The following EYS variants were observed in gnomAD, a reference collection of about 807,000 sequenced individuals.
EYS encodes the protein protein eyes shut homolog.
Under a neutral mutation model 282.1 loss-of-function variants are expected in EYS, and 250 were observed. That is an observed-to-expected ratio of 0.89 (90% CI 0.80 to 0.98). The LOEUF (loss-of-function observed/expected upper bound fraction) is 0.98, where lower values mean the gene tolerates loss of function less well. Among genes scored for constraint, EYS ranks in the 50% least tolerant of loss-of-function variants. EYS has a pLI of 0.00. For synonymous variants in EYS, 1,355 were observed against 1,282.9 expected (o/e 1.06, Z -1.20); for missense variants, 4,016 against 3,709.0 (o/e 1.08, Z -2.15).
At chr6:64,016,785 T>G (rs1307782879) in intron 33 of EYS, among the ~76,000 whole-genome samples, 1 of 152,156 alleles carries the variant, frequency 6.6e-6, no homozygotes, top group African/African-American at 2.4e-5. Flanking sequence ...CTCTTTTTGA[T>G]TTCTAATGAG....
At chr6:64,445,911 T>G (rs1775103119) in intron 26 of EYS, among the ~76,000 whole-genome samples, 1 of 152,130 alleles carries the variant, frequency 6.6e-6, no homozygotes, top group South Asian at 2.1e-4. Context: ...ACTGGTATTC[T>G]GTTAGGAGGA....
At chr6:65,001,260 G>A (rs570747546) in intron 13 of EYS, among the ~76,000 whole-genome samples, 1 of 147,764 alleles carries the variant, frequency 6.8e-6, no homozygotes, top group Non-Finnish European at 1.5e-5. Context: ...ACATGGGCTT[G>A]AAGGTTGAAT....
chr6:64,331,373 G>A (rs975092265), intron 29 of EYS, among the ~76,000 whole-genome samples: 1 of 152,256 alleles, frequency 6.6e-6, no homozygotes, highest in East Asian at 1.9e-4. Context: ...AGGGCGTGAC[G>A]AGGCTAGAGG....
At chr6:64,742,111 T>C (rs868337592) in intron 22 of EYS, among the ~76,000 whole-genome samples, 7 of 152,234 alleles carry the variant, frequency 4.6e-5, no homozygotes, top group African/African-American at 1.7e-4. Flanking sequence ...GTGAGACACA[T>C]GTAACTCTTT....
chr6:64,072,015 G>A (rs1485545611), intron 32 of EYS, among the ~76,000 whole-genome samples: 2 of 151,872 alleles, frequency 1.3e-5, no homozygotes, highest in Admixed American at 6.6e-5. Context: ...CCAAGGCACA[G>A]AAGTACGTTT....
chr6:65,536,925 C>T (rs192256821), intron 2 of EYS, among the ~76,000 whole-genome samples: 2 of 152,178 alleles, frequency 1.3e-5, no homozygotes, highest in Admixed American at 1.3e-4. Flanking sequence ...TATTCTTAAA[C>T]TCATACGGCA....
chr6:64,360,608 ATAG>A (rs1000112722), intron 29 of EYS, among the ~76,000 whole-genome samples: 35 of 151,820 alleles, frequency 2.3e-4, no homozygotes, highest in African/African-American at 7.2e-4. Flanking sequence ...CAATTATGAG[ATAG>A]TAGTTTCAGT....
rs373962185 is a variant in EYS, at chr6:65,480,398, T to C, written c.862+10196A>G. Among the ~76,000 whole-genome samples the C allele has an allele frequency of 3.7e-3, 556 of 152,174 alleles. 8 individuals carry two copies. In the South Asian group the frequency reaches 0.038, roughly 10 times the overall value. On this transcript the variant is annotated intron_variant, in intron 5 of 42. Coordinates refer to ENST00000503581, the MANE Select transcript of EYS (RefSeq NM_001142800.2). ...AATATACACAGATACTACCATATTA[T>C]TAAATATTTCATTGACATTTTCATG...
intron 30 of EYS, among the ~76,000 whole-genome samples, chr6:64,239,994 C>T (rs539745478): frequency 6.3e-4 from 96 of 152,260 alleles, no homozygotes; most frequent in African/African-American, 2.1e-3. Context: ...TTCCCAACAC[C>T]GTTTATTAAA....
chr6:65,058,092 G>C (rs1341650822), intron 12 of EYS, among the ~76,000 whole-genome samples: 3 of 152,124 alleles, frequency 2.0e-5, no homozygotes, highest in Non-Finnish European at 4.4e-5. Flanking sequence ...GGAACGAAAA[G>C]AAAATATTGG....
intron 30 of EYS, among the ~76,000 whole-genome samples, chr6:64,239,897 T>A (rs1261526840): frequency 1.3e-5 from 2 of 152,348 alleles, no homozygotes; most frequent in East Asian, 3.9e-4. Context: ...GGTCTTACAT[T>A]TACGTCTTTA....
At position 65,411,981 on chromosome 6, in the gene EYS, C is replaced by T. The variant is rs116026313; in HGVS notation, c.863-6614G>A. ...GTGTCCCCCACATATTATGTTGAAA[C>T]CTAATCCTCAATACAATAGATTTGG... On this transcript the variant is annotated intron_variant, in intron 5 of 42. Coordinates refer to ENST00000503581, the MANE Select transcript of EYS (RefSeq NM_001142800.2). Among the ~76,000 whole-genome samples the T allele has an allele frequency of 4.6e-3, 706 of 152,056 alleles. 6 individuals are homozygous for T. Among genetic ancestry groups the T allele is most frequent in the African/African-American group, 0.016 (672 of 41,522 alleles).
At chr6:65,328,854 A>C (rs1769697963) in intron 11 of EYS, among the ~76,000 whole-genome samples, 1 of 151,272 alleles carries the variant, frequency 6.6e-6, no homozygotes, top group Admixed American at 6.6e-5. Flanking sequence ...CCCAAATACC[A>C]TATAAACTGT....
In EYS at chr6:65,464,877, T is replaced by G. The variant is rs572539558; in HGVS notation, c.862+25717A>C. Among the ~76,000 whole-genome samples the G allele has an allele frequency of 2.0e-5, 3 of 152,268 alleles. No individual in the cohort carries two copies. In the East Asian group the frequency reaches 5.8e-4, roughly 29 times the overall value. ...TGGGACTGAGAAATTTATTTTGCCATTACTCAGTGAAGAGAGATGAGGCTT... is the reference window on the plus strand; with the variant it reads ...TGGGACTGAGAAATTTATTTTGCCAGTACTCAGTGAAGAGAGATGAGGCTT... On this transcript the variant is annotated intron_variant, in intron 5 of 42. Transcript: ENST00000503581.
chr6:64,970,642 A>T (rs1353529954), intron 14 of EYS, among the ~76,000 whole-genome samples: 1 of 152,162 alleles, frequency 6.6e-6, no homozygotes, highest in Non-Finnish European at 1.5e-5. Context: ...GTAAAAAGTG[A>T]TTTTTCAAAG....
chr6:65,636,697 T>C (rs1490126), intron 2 of EYS, among the ~76,000 whole-genome samples: 91,749 of 152,178 alleles, frequency 0.6, 28,421 homozygotes, highest in East Asian at 0.78. Context: ...CTATCATTAA[T>C]GTTTTATTAT....
Position 64,017,666 on chromosome 6 carries a change from T to C in EYS, c.6726-18483A>G, listed in dbSNP as rs565957591. Among the ~76,000 whole-genome samples the C allele has an allele frequency of 3.3e-5, 5 of 152,314 alleles. No homozygotes were observed. In the East Asian group the frequency reaches 9.7e-4, roughly 29 times the overall value. On this transcript the variant is annotated intron_variant, in intron 33 of 42. Transcript: ENST00000503581. ...GTTTCTTAGACAAACCATTTTTCTTTACCTGCTGTCTGCTCTACCCACAGC... is the reference window on the plus strand; with the variant it reads ...GTTTCTTAGACAAACCATTTTTCTTCACCTGCTGTCTGCTCTACCCACAGC...
intron 22 of EYS, among the ~76,000 whole-genome samples, chr6:64,802,346 C>A (rs937110836): frequency 4.6e-5 from 7 of 151,946 alleles, no homozygotes; most frequent in Non-Finnish European, 5.9e-5. Context: ...GCCACCACGT[C>A]CGGCCGAGTT....
chr6:64,927,140 C>T (rs1262474047), intron 15 of EYS, among the ~76,000 whole-genome samples: 2 of 152,092 alleles, frequency 1.3e-5, no homozygotes, highest in Admixed American at 6.5e-5. Flanking sequence ...ATGTAACATG[C>T]TAACTTTGTG....
Sources: gnomAD v4.1 joint callset for allele counts (sites outside exome capture counted in the v4.1 genomes callset) on GRCh38, gnomAD v4.1.1 for gene constraint, MANE v1.5 for transcripts, NCBI Gene and HGNC (gene_info 2026-07-23, HGNC 2026-07-21) for gene names.